The following PCDHGA6 variants were observed in gnomAD, a reference collection of about 807,000 sequenced individuals.
PCDHGA6 encodes protocadherin gamma subfamily A, 6, also known as protocadherin gamma-A6.
Under a neutral mutation model 60.6 loss-of-function variants are expected in PCDHGA6, and 41 were observed. That is an observed-to-expected ratio of 0.68 (90% CI 0.53 to 0.88). The LOEUF is 0.88. PCDHGA6 is among the 40% of genes least tolerant of loss of function. The pLI is 0.00. For synonymous variants in PCDHGA6, 594 were observed against 524.4 expected (o/e 1.13, Z -1.81); for missense variants, 1,312 against 1,203.0 (o/e 1.09, Z -1.34).
intron 1 of PCDHGA6, chr5:141,478,265 G>C: frequency 1.2e-6 from 2 of 1,614,196 alleles, no homozygotes; most frequent in Non-Finnish European, 1.7e-6. Flanking sequence ...CATATTCAAA[G>C]TTTACAAGTG....
At chr5:141,502,781 C>G (rs1360359268) in intron 2 of PCDHGA6, among the ~76,000 whole-genome samples, 2 of 151,658 alleles carry the variant, frequency 1.3e-5, no homozygotes, top group Non-Finnish European at 2.9e-5. Flanking sequence ...TGAAAATTAC[C>G]TGGATGATTT....
chr5:141,424,497 A>G (rs2096824503), intron 1 of PCDHGA6: 2 of 152,174 alleles, frequency 1.3e-5, no homozygotes, highest in African/African-American at 2.4e-5. Flanking sequence ...GTTTGTATGT[A>G]TGGAAGGTTT....
chr5:141,417,633 G>C, intron 1 of PCDHGA6: 1 of 712,146 alleles, frequency 1.4e-6, no homozygotes, highest in South Asian at 2.3e-5. Flanking sequence ...CGCTGACGCC[G>C]GGGATCCCTC....
chr5:141,501,664 TATAG>T (rs1161034391), intron 2 of PCDHGA6, among the ~76,000 whole-genome samples: 1 of 152,064 alleles, frequency 6.6e-6, no homozygotes, highest in East Asian at 1.9e-4. Flanking sequence ...TGTTGGAAAA[TATAG>T]ATAATCACAA....
intron 1 of PCDHGA6, among the ~76,000 whole-genome samples, chr5:141,381,932 C>A (rs1205042648): frequency 2.1e-5 from 3 of 144,772 alleles, no homozygotes; most frequent in Non-Finnish European, 4.5e-5. Flanking sequence ...CGGGTTCAAG[C>A]GATTTTCCTG....
At chr5:141,441,764 C>T (rs1407504024) in intron 1 of PCDHGA6, 1 of 384,478 alleles carries the variant, frequency 2.6e-6, no homozygotes, top group South Asian at 2.1e-5. Context: ...TGAGCCTGCG[C>T]GTGTTGGTGG....
intron 2 of PCDHGA6, among the ~76,000 whole-genome samples, chr5:141,501,700 C>T (rs936448354): frequency 6.6e-6 from 1 of 151,950 alleles, no homozygotes; most frequent in African/African-American, 2.4e-5. Flanking sequence ...AGGGTGATTC[C>T]GAGGATAAAA....
Position 141,409,704 on chromosome 5 carries a change from T to C in PCDHGA6, c.2424+33197T>C. ...GCGAGTGACCTAGAGCCCCTGGCGG[T>C]GTCGTCATACGTGTCAGTGAGCGCG... On this transcript the variant is annotated intron_variant, in intron 1 of 3. Transcript: ENST00000517434. 6.2e-7 allele frequency: 1 copy of C among 1,613,248 alleles called. No homozygotes were observed. Among genetic ancestry groups the C allele is most frequent in the South Asian group, 1.1e-5 (1 of 91,072 alleles).
rs141556649 is a variant in PCDHGA6 at position 141,492,225 on chromosome 5, C to T, written c.2425-2582C>T. ...GTGTGCGCGCGGGGCTCATGCGTGT[C>T]CTCCCTGCTGGCCACCCCCACGGCC... On this transcript the variant is annotated intron_variant, in intron 1 of 3. Transcript: ENST00000517434. Among the ~76,000 whole-genome samples the T allele has an allele frequency of 2.4e-3, 361 of 152,274 alleles. No individual in the cohort carries two copies. In the Middle Eastern group the frequency reaches 0.024, roughly 10 times the overall value.
rs753258464 is a variant in PCDHGA6, at chr5:141,388,966, G to T, written c.2424+12459G>T. ...CTAATTATGGAGGACGCCGAGCTGG[G>T]AACACATATTGCTTTGCTCAAAGTC... On this transcript the variant is annotated intron_variant, in intron 1 of 3. Coordinates refer to ENST00000517434, the MANE Select transcript of PCDHGA6 (RefSeq NM_018919.3). 15 of 1,613,896 alleles carry T rather than the reference G, an allele frequency of 9.3e-6. No homozygotes were observed. In the Admixed American group the frequency reaches 2.3e-4, roughly 25 times the overall value.
At chr5:141,423,734 T>C in intron 1 of PCDHGA6, 1 of 969,626 alleles carries the variant, frequency 1.0e-6, no homozygotes, top group Non-Finnish European at 1.3e-6. Flanking sequence ...TTTTTGAGCC[T>C]GTTATGAAAA....
chr5:141,389,112 C>T (rs376966829), intron 1 of PCDHGA6: 22 of 1,613,964 alleles, frequency 1.4e-5, no homozygotes, highest in Non-Finnish European at 1.9e-5. Context: ...TGTTCTAGAC[C>T]GCGAGCAGAA....
chr5:141,491,845 G>A lies in PCDHGA6; in HGVS notation c.2425-2962G>A. 6.8e-7 allele frequency: 1 copy of A among 1,463,944 alleles called. No homozygotes were observed. The highest frequency in any genetic ancestry group is 9.0e-7 in the Non-Finnish European group (1 of 1,106,126). 90.7% of individuals were successfully genotyped at this position (1,463,944 alleles called of 1,614,324 possible). ...CTCCACCCGATTCTCGGGATCATTGGACCGTTTGCGCGAAACCAGAGTGGC... is the reference window on the plus strand; with the variant it reads ...CTCCACCCGATTCTCGGGATCATTGAACCGTTTGCGCGAAACCAGAGTGGC... On this transcript the variant is annotated intron_variant, in intron 1 of 3. Coordinates refer to ENST00000517434, the MANE Select transcript of PCDHGA6 (RefSeq NM_018919.3). This position sits in a 1 kb window ranked among gnomAD's most constrained non-coding sequence, Gnocchi z 6.9.
At chr5:141,415,372 G>A in intron 1 of PCDHGA6, 1 of 1,614,252 alleles carries the variant, frequency 6.2e-7, no homozygotes, top group Non-Finnish European at 8.5e-7. Flanking sequence ...GCAGGCTTCA[G>A]GAGGCGGCTT....
chr5:141,490,200 A>G lies in PCDHGA6; in HGVS notation c.2425-4607A>G. 6.2e-6 allele frequency: 10 copies of G among 1,614,198 alleles called. No homozygotes were observed. The highest frequency in any genetic ancestry group is 8.5e-6 in the Non-Finnish European group (10 of 1,180,032). ...AGTCACGTTTCTATGAAATTCATGC[A>G]AGAGCCCGTGACCAGGGACAGCCTG... On this transcript the variant is annotated intron_variant, in intron 1 of 3. Coordinates refer to ENST00000517434, the MANE Select transcript of PCDHGA6 (RefSeq NM_018919.3). The surrounding 1 kb of genome is among the most constrained non-coding windows in gnomAD (Gnocchi z 5.4).
In PCDHGA6 at chr5:141,374,774, A is replaced by G; in HGVS notation, c.691A>G (p.Thr231Ala). ...CTCAAGCGTCGCCCAAATTCTGGTA[A>G]CAGTTCTAGATGTGAATGACAACAC... ...VRSSVAQILV[T>A]VLDVNDNTPM... Residue 231 changes from threonine (T) to alanine (A), a missense_variant, in exon 1 of 4, where the codon ACA (threonine) becomes GCA (alanine). Transcript: ENST00000517434. 1 of 1,613,822 alleles carries G rather than the reference A, an allele frequency of 6.2e-7. No individual in the cohort carries two copies. The highest frequency in any genetic ancestry group is 8.5e-7 in the Non-Finnish European group (1 of 1,179,808).
rs777537045 is a variant in PCDHGA6 at position 141,490,191 on chromosome 5, A to T, written c.2425-4616A>T. The T allele has an allele frequency of 6.2e-7, 1 of 1,614,176 alleles. No homozygotes were observed. The highest frequency in any genetic ancestry group is 1.1e-5 in the South Asian group (1 of 91,082). On this transcript the variant is annotated intron_variant, in intron 1 of 3. Coordinates refer to ENST00000517434, the MANE Select transcript of PCDHGA6 (RefSeq NM_018919.3). The surrounding 1 kb of genome is among the most constrained non-coding windows in gnomAD (Gnocchi z 5.4). ...ACTTTGAGGAGTCACGTTTCTATGA[A>T]ATTCATGCAAGAGCCCGTGACCAGG...
chr5:141,396,943 G>A (rs1388753275), intron 1 of PCDHGA6, among the ~76,000 whole-genome samples: 6 of 152,178 alleles, frequency 3.9e-5, no homozygotes, highest in African/African-American at 1.2e-4. Flanking sequence ...TGCCCTGGTA[G>A]GAAAGAAAAT....
chr5:141,384,835 G>A (rs1390926308), intron 1 of PCDHGA6: 2 of 1,613,468 alleles, frequency 1.2e-6, no homozygotes, highest in East Asian at 2.2e-5. Flanking sequence ...CGTGGTGGCC[G>A]TCCAGGACCA....
Sources: allele counts gnomAD v4.1 joint callset (sites outside exome capture counted in the v4.1 genomes callset), GRCh38; gene constraint gnomAD v4.1.1; non-coding constraint Gnocchi (gnomAD v3.1); transcripts MANE v1.5; gene names NCBI Gene and HGNC (gene_info 2026-07-23, HGNC 2026-07-21).